IAH1: variants seen among roughly 807,000 people sequenced by gnomAD.
IAH1 encodes the protein isoamyl acetate-hydrolyzing esterase 1 homolog.
A neutral mutation model predicts 26.7 loss-of-function variants in IAH1; 24 were observed. The observed-to-expected ratio is 0.90, with a 90% confidence interval of 0.65 to 1.26. The LOEUF (loss-of-function observed/expected upper bound fraction) is 1.26, where lower values mean the gene tolerates loss of function less well. Among genes scored for constraint, IAH1 ranks in the 50% most tolerant of loss-of-function variants. The pLI is 0.00. For synonymous variants in IAH1, 140 were observed against 118.5 expected (o/e 1.18, Z -1.18); for missense variants, 300 against 299.9 (o/e 1.00, Z 0.00).
upstream of IAH1, chr2:9,474,531 G>A: frequency 4.4e-6 from 6 of 1,372,000 alleles, no homozygotes; most frequent in Non-Finnish European, 5.7e-6. The surrounding 1 kb of genome is among the most constrained non-coding windows in gnomAD (Gnocchi z 4.3). Context: ...CGCCTCTCGT[G>A]GCTGGCGGCC....
At chr2:9,490,568 A>G (rs551592742), downstream of IAH1, 113 of 1,515,354 alleles carry the variant, frequency 7.5e-5, 2 homozygotes, top group South Asian at 1.4e-3. Flanking sequence ...GATGAATCGG[A>G]GGTCCTCACA....
the IAH1 span, among the ~76,000 whole-genome samples, chr2:9,508,289 T>C: frequency 7.2e-5 from 11 of 152,184 alleles, no homozygotes; most frequent in Admixed American, 3.3e-4. Context: ...GTAGACAGGA[T>C]GGTATCATGA....
downstream of IAH1, chr2:9,489,768 CAAAT>C (rs1359591236): frequency 3.2e-5 from 4 of 125,834 alleles, no homozygotes; most frequent in African/African-American, 6.1e-5. Context: ...GTTGTCATCA[CAAAT>C]AAATGCCAAA....
chr2:9,476,604 G>A (rs984632370), intron 2 of IAH1, among the ~76,000 whole-genome samples: 5 of 152,230 alleles, frequency 3.3e-5, no homozygotes, highest in African/African-American at 1.2e-4. Context: ...GGGTAGGGCA[G>A]TACTATAGGA....
rs748764726 is a variant in IAH1 at position 9,476,087 on chromosome 2, T to C, written c.134+48T>C. The C allele has an allele frequency of 4.0e-6, 6 of 1,490,656 alleles. No individual in the cohort carries two copies. The East Asian group carries it at 1.1e-4, about 28-fold the overall frequency. 92.3% of individuals were successfully genotyped at this position (1,490,656 alleles called of 1,614,324 possible). A position where few individuals can be genotyped will look rare whatever the true frequency, so the allele number is the denominator to read the frequency against. On this transcript the variant is annotated intron_variant, in intron 2 of 5. Coordinates refer to ENST00000497473, the MANE Select transcript of IAH1 (RefSeq NM_001039613.3). ...GAGTTCTTATGGATGGAAAATGTCT[T>C]AGGGATCCGTCTTATGGATGAAGGA...
chr2:9,484,086 C>T (rs1661340968), intron 4 of IAH1, among the ~76,000 whole-genome samples: 1 of 152,200 alleles, frequency 6.6e-6, no homozygotes, highest in Non-Finnish European at 1.5e-5. Flanking sequence ...AGCCCCCAGC[C>T]CAGCTCCTGC....
downstream of IAH1, chr2:9,497,048 G>A (rs375797739): frequency 1.6e-4 from 257 of 1,577,664 alleles, no homozygotes; most frequent in African/African-American, 3.1e-3. Flanking sequence ...CCAAATGGAG[G>A]AAGGGAGCCT....
chr2:9,476,117 T>C, intron 2 of IAH1, 78 bp downstream of exon 2: 5 of 1,247,046 alleles, frequency 4.0e-6, no homozygotes, highest in Non-Finnish European at 5.8e-6. Flanking sequence ...GAAGGATAGT[T>C]CTGAACAGAA....
chr2:9,497,045 G>A (rs778162454), downstream of IAH1: 141 of 1,574,658 alleles, frequency 9.0e-5, no homozygotes, highest in Non-Finnish European at 1.2e-4. Context: ...CCTCCAAATG[G>A]AGGAAGGGAG....
chr2:9,510,356 A>G, the IAH1 span, among the ~76,000 whole-genome samples: 1 of 152,258 alleles, frequency 6.6e-6, no homozygotes, highest in South Asian at 2.1e-4. Context: ...CTATCTCTAC[A>G]AAAATAATAA....
chr2:9,502,142 A>AG, the IAH1 span: 610 of 1,571,290 alleles, frequency 3.9e-4, 1 homozygote, highest in African/African-American at 7.2e-3. Context: ...CTTGACCCAC[A>AG]GCATTCCAAG....
At chr2:9,503,316 C>A in the IAH1 span, among the ~76,000 whole-genome samples, 1 of 152,114 alleles carries the variant, frequency 6.6e-6, no homozygotes, top group African/African-American at 2.4e-5. Context: ...AACCCTTTTA[C>A]TTCTAAGCCA....
rs759535382 is a variant in IAH1 at position 9,478,359 on chromosome 2, G to A, written c.272G>A (p.Ser91Asn). 1 of 1,603,128 alleles carries A rather than the reference G, an allele frequency of 6.2e-7. No homozygotes were observed. Among genetic ancestry groups the A allele is most frequent in the East Asian group, 2.2e-5 (1 of 44,630 alleles). ...ACAATTTTCTTTGGGGCCAATGACAGTGCACTAAAAGGTAAAAGCATTTTT... is the reference window on the plus strand; with the variant it reads ...ACAATTTTCTTTGGGGCCAATGACAATGCACTAAAAGGTAAAAGCATTTTT... ...AVTIFFGAND[S>N]ALKDENPKQH... is the part of the protein sequence containing the mutation. The change falls in exon 3 of 6, where the codon AGT becomes AAT. Residue 91 changes from serine (S) to asparagine (N), a missense_variant. Transcript: ENST00000497473.
the IAH1 span, chr2:9,505,144 T>C: frequency 6.2e-7 from 1 of 1,613,350 alleles, no homozygotes; most frequent in South Asian, 1.1e-5. Flanking sequence ...CTTCCCAAAA[T>C]CCCTGTGGAG....
At chr2:9,500,790 T>C (rs1292383113), downstream of IAH1, among the ~76,000 whole-genome samples, 2 of 152,224 alleles carry the variant, frequency 1.3e-5, no homozygotes, top group Non-Finnish European at 2.9e-5. Context: ...TCCGTTTATA[T>C]ACCTAGTAAT....
At chr2:9,478,181 T>C in intron 2 of IAH1, 41 bp from the exon 3 acceptor site, 4 of 1,570,138 alleles carry the variant, frequency 2.5e-6, no homozygotes, top group Non-Finnish European at 3.5e-6. Context: ...CCATAAACAC[T>C]TCTTGCCCAC....
downstream of IAH1, chr2:9,490,978 C>A: frequency 1.2e-6 from 1 of 841,666 alleles, no homozygotes; most frequent in Admixed American, 2.4e-5. Context: ...AACCTAGACC[C>A]TTCCTGCTGC....
chr2:9,476,494 G>A (rs1284286025), intron 2 of IAH1, among the ~76,000 whole-genome samples: 3 of 152,206 alleles, frequency 2.0e-5, no homozygotes, highest in Non-Finnish European at 4.4e-5. Flanking sequence ...TGTTAGGCGC[G>A]TCCACGTGAA....
intron 1 of IAH1, chr2:9,475,690 G>T: frequency 2.4e-6 from 1 of 415,678 alleles, no homozygotes; most frequent in Non-Finnish European, 4.4e-6. Context: ...TAGTAGAGAC[G>T]GGGTTTCGCC....
Sources: gnomAD v4.1 joint callset for allele counts (sites outside exome capture counted in the v4.1 genomes callset) on GRCh38, gnomAD v4.1.1 for gene constraint, Gnocchi (gnomAD v3.1) non-coding constraint, MANE v1.5 for transcripts, NCBI Gene and HGNC (gene_info 2026-07-23, HGNC 2026-07-21) for gene names.